Variants in PPFIA2 observed in about 807,000 individuals in gnomAD.
The protein encoded by PPFIA2 is PPFI scaffold protein A2, also known as liprin-alpha-2.
In PPFIA2, 46 loss-of-function variants were observed where a neutral mutation model predicts 175.5. That is an observed-to-expected ratio of 0.26 (90% confidence interval 0.21 to 0.34). The LOEUF (loss-of-function observed/expected upper bound fraction) is 0.34, where lower values mean the gene tolerates loss of function less well. Among genes scored for constraint, PPFIA2 ranks in the 10% least tolerant of loss-of-function variants. The pLI, the probability that PPFIA2 is intolerant of heterozygous loss-of-function variation, is 1.00. For missense variants in PPFIA2, 1,179 were observed against 1,506.1 expected, an observed-to-expected ratio of 0.78 and a Z score of 3.60; for synonymous variants, 568 against 511.4, an observed-to-expected ratio of 1.11 and a Z score of -1.49.
intron 4 of PPFIA2, among the ~76,000 whole-genome samples, chr12:81,490,449 T>A (rs2059306038): frequency 6.6e-6 from 1 of 151,930 alleles, no homozygotes; most frequent in Non-Finnish European, 1.5e-5. Flanking sequence ...CACGAATGTT[T>A]CTAAATGGCC....
chr12:81,339,795 C>G (rs1397890792), intron 20 of PPFIA2, among the ~76,000 whole-genome samples: 1 of 152,046 alleles, frequency 6.6e-6, no homozygotes, highest in Non-Finnish European at 1.5e-5. Context: ...TTTCCTCTAG[C>G]CATCGTTCCC....
intron 18 of PPFIA2, among the ~76,000 whole-genome samples, chr12:81,347,119 T>C (rs926084089): frequency 6.4e-5 from 8 of 125,570 alleles, no homozygotes; most frequent in African/African-American, 3.2e-4. Flanking sequence ...TTTTCTCTTT[T>C]TCTTTTCTTT....
At chr12:81,601,019 C>T (rs17008764) in intron 4 of PPFIA2, among the ~76,000 whole-genome samples, 2,220 of 151,926 alleles carry the variant, frequency 0.015, 48 homozygotes, top group East Asian at 0.041. Flanking sequence ...CATGTATTTG[C>T]TGCATTTGCA....
intron 3 of PPFIA2, among the ~76,000 whole-genome samples, chr12:81,751,520 GTT>G (rs1463304872): frequency 1.4e-5 from 2 of 146,230 alleles, no homozygotes; most frequent in African/African-American, 5.0e-5. Flanking sequence ...CAGGAGGATT[GTT>G]CTATAATATG....
intron 7 of PPFIA2, among the ~76,000 whole-genome samples, chr12:81,428,707 A>T (rs2144329796): frequency 6.6e-6 from 1 of 152,168 alleles, no homozygotes; most frequent in African/African-American, 2.4e-5. Flanking sequence ...ATTAAAAAAA[A>T]ATCCATTGTT....
rs566700285 is a variant in PPFIA2 at position 81,362,925 on chromosome 12, C to T, written c.1546-141G>A. Reference sequence around the variant, plus strand: ...GGTTATTACACATAATAATAAAGCACGCCAAAATTTTCCCCTTGTAATAAA... The same window carrying T: ...GGTTATTACACATAATAATAAAGCATGCCAAAATTTTCCCCTTGTAATAAA... On this transcript the variant is annotated intron_variant, in intron 14 of 32. Coordinates refer to ENST00000549396, the MANE Select transcript of PPFIA2 (RefSeq NM_003625.5). 656 of 456,292 alleles carry T rather than the reference C, an allele frequency of 1.4e-3. 4 individuals are homozygous for T. The highest frequency in any genetic ancestry group is 1.9e-3 in the Non-Finnish European group (515 of 264,348). 28.3% of individuals were successfully genotyped at this position (456,292 alleles called of 1,614,324 possible).
At chr12:81,504,736 A>G (rs150596883) in intron 4 of PPFIA2, among the ~76,000 whole-genome samples, 13,936 of 152,260 alleles carry the variant, frequency 0.092, 834 homozygotes, top group Middle Eastern at 0.14. Flanking sequence ...AAAGAATTGG[A>G]ACCAACCCAA....
In PPFIA2 at chr12:81,381,026, C is replaced by T. The variant is rs560528913; in HGVS notation, c.984+2997G>A. Reference sequence around the variant, plus strand: ...TGTATACAAAAAAAAAAAAGTGATGCATGCAGTAACGCAGGCTGAGTGTAG... The same window carrying T: ...TGTATACAAAAAAAAAAAAGTGATGTATGCAGTAACGCAGGCTGAGTGTAG... On this transcript the variant is annotated intron_variant, in intron 9 of 32. Transcript: ENST00000549396. 4.1e-5 allele frequency among the ~76,000 whole-genome samples: 6 copies of T among 147,178 alleles called. No individual in the cohort carries two copies. The East Asian group carries it at 1.2e-3, about 30-fold the overall frequency.
intron 3 of PPFIA2, 124 bp from the exon 4 acceptor site, chr12:81,676,968 T>C (rs1236994411): frequency 6.6e-6 from 4 of 602,738 alleles, no homozygotes; most frequent in Non-Finnish European, 1.1e-5. Context: ...TATTATTTTT[T>C]TGCAATCTTG....
intron 4 of PPFIA2, among the ~76,000 whole-genome samples, chr12:81,499,434 C>T (rs142807111): frequency 0.016 from 2,368 of 151,458 alleles, 50 homozygotes; most frequent in East Asian, 0.045. Context: ...TCAGGAAGTA[C>T]GCACTCTTTC....
intron 22 of PPFIA2, among the ~76,000 whole-genome samples, chr12:81,310,818 A>G (rs529029803): frequency 5.6e-4 from 85 of 152,274 alleles, no homozygotes; most frequent in African/African-American, 2.0e-3. Flanking sequence ...ATACATCACC[A>G]AGTCATTTTG....
At chr12:81,470,709 A>T (rs1314040262) in intron 4 of PPFIA2, among the ~76,000 whole-genome samples, 2 of 152,190 alleles carry the variant, frequency 1.3e-5, no homozygotes, top group Admixed American at 1.3e-4. Flanking sequence ...AAATGCATAT[A>T]CTTTTTTGTT....
chr12:81,559,622 C>G (rs1345926607), intron 4 of PPFIA2, among the ~76,000 whole-genome samples: 1 of 152,086 alleles, frequency 6.6e-6, no homozygotes. Context: ...CCGTTATAAA[C>G]TTAAGAATGG....
At chr12:81,624,439 A>T (rs968046681) in intron 4 of PPFIA2, among the ~76,000 whole-genome samples, 1 of 146,976 alleles carries the variant, frequency 6.8e-6, no homozygotes, top group South Asian at 2.1e-4. Flanking sequence ...ATATACATAT[A>T]TTATATGTAT....
At chr12:81,336,470 C>A (rs1046283940) in intron 21 of PPFIA2, among the ~76,000 whole-genome samples, 8 of 152,142 alleles carry the variant, frequency 5.3e-5, no homozygotes, top group African/African-American at 1.9e-4. Context: ...TGTTATTACC[C>A]TAGCATTTCG....
At chr12:81,316,876 C>T (rs73354610) in intron 22 of PPFIA2, among the ~76,000 whole-genome samples, 14,238 of 151,482 alleles carry the variant, frequency 0.094, 858 homozygotes, top group African/African-American at 0.16. Flanking sequence ...TTCTTTAAAT[C>T]ACAGCCCTAT....
At chr12:81,384,380 G>A (rs959151783) in intron 8 of PPFIA2, 136 bp from the exon 9 acceptor site, 21 of 653,916 alleles carry the variant, frequency 3.2e-5, no homozygotes, top group Middle Eastern at 4.3e-4. Context: ...TAGTTTTGCC[G>A]AAAAACTAAG....
At chr12:81,466,890 T>C (rs956748514) in intron 4 of PPFIA2, among the ~76,000 whole-genome samples, 2 of 147,208 alleles carry the variant, frequency 1.4e-5, no homozygotes, top group Non-Finnish European at 3.0e-5. Context: ...TAATATATTA[T>C]ATTAAATATA....
rs141640765 is a variant in PPFIA2, at chr12:81,452,220, C to T, written c.405+5545G>A. Among the ~76,000 whole-genome samples the T allele has an allele frequency of 2.8e-3, 431 of 152,278 alleles. 2 individuals are homozygous for T. The highest frequency in any genetic ancestry group is 9.8e-3 in the African/African-American group (407 of 41,538). On this transcript the variant is annotated intron_variant, in intron 5 of 32. Transcript: ENST00000549396. The stretch of plus-strand genomic sequence containing the variant: ...CAGGTAATCTAAATCTTTTATTTTA[C>T]TATGATTCTGTAAGGATTTCTAAAA...
Sources: gnomAD v4.1 joint callset for allele counts (sites outside exome capture counted in the v4.1 genomes callset) on GRCh38, gnomAD v4.1.1 for gene constraint, MANE v1.5 for transcripts, NCBI Gene and HGNC (gene_info 2026-07-23, HGNC 2026-07-21) for gene names.